The following PCDHGA2 variants were observed in gnomAD, a reference collection of about 807,000 sequenced individuals.
PCDHGA2 encodes protocadherin gamma-A2.
PCDHGA2 carries 40 observed loss-of-function variants against 59.2 expected under a neutral mutation model. The observed-to-expected ratio is 0.68, with a 90% CI of 0.52 to 0.88. PCDHGA2 has a LOEUF of 0.88. PCDHGA2 is among the 40% of genes least tolerant of loss of function. PCDHGA2 has a pLI of 0.00. For missense variants in PCDHGA2, 1,226 were observed against 1,204.0 expected, an observed-to-expected ratio of 1.02 and a Z score of -0.27; for synonymous variants, 560 against 526.0, an observed-to-expected ratio of 1.06 and a Z score of -0.89.
chr5:141,418,247 G>T, intron 1 of PCDHGA2: 1 of 1,614,032 alleles, frequency 6.2e-7, no homozygotes, highest in Non-Finnish European at 8.5e-7. Context: ...TAATGACCAC[G>T]CCCCTCAATT....
chr5:141,463,532 T>C (rs1237301892), intron 1 of PCDHGA2, among the ~76,000 whole-genome samples: 2 of 133,692 alleles, frequency 1.5e-5, no homozygotes, highest in Non-Finnish European at 3.1e-5. Flanking sequence ...TACTAGAAAC[T>C]CCGGCTCCCG....
At chr5:141,363,387 G>A (rs1302149411) in intron 1 of PCDHGA2, among the ~76,000 whole-genome samples, 2 of 151,916 alleles carry the variant, frequency 1.3e-5, no homozygotes, top group African/African-American at 4.8e-5. Flanking sequence ...TTCTATTTCT[G>A]TTGTCATATA....
In PCDHGA2 at chr5:141,453,631, T is replaced by C. The variant is rs114710858; in HGVS notation, c.2425-41176T>C. On this transcript the variant is annotated intron_variant, in intron 1 of 3. Transcript: ENST00000394576. ...AACGCAAAAACAAAACCTATACATATTTATATTTTCTTATGTCCTCTTCTT... is the reference window on the plus strand; with the variant it reads ...AACGCAAAAACAAAACCTATACATACTTATATTTTCTTATGTCCTCTTCTT... Among the ~76,000 whole-genome samples the C allele has an allele frequency of 8.2e-3, 1,249 of 152,332 alleles. 7 individuals are homozygous for C. Among genetic ancestry groups the C allele is most frequent in the Non-Finnish European group, 0.013 (893 of 68,030 alleles).
At chr5:141,492,952 C>T (rs1428667098) in intron 1 of PCDHGA2, among the ~76,000 whole-genome samples, 1 of 152,242 alleles carries the variant, frequency 6.6e-6, no homozygotes, top group Non-Finnish European at 1.5e-5. Context: ...GGTGACCAAA[C>T]TATCTGACAC....
At chr5:141,371,866 T>A (rs1768128471) in intron 1 of PCDHGA2, 1 of 1,613,504 alleles carries the variant, frequency 6.2e-7, no homozygotes, top group Non-Finnish European at 8.5e-7. Flanking sequence ...TCCTACTACA[T>A]CGTGGCCAGT....
intron 1 of PCDHGA2, chr5:141,398,155 C>G (rs1238092530): frequency 1.3e-5 from 19 of 1,492,684 alleles, no homozygotes; most frequent in Non-Finnish European, 1.7e-5. Flanking sequence ...GGAGCTGGGC[C>G]GGGCTGAGAG....
At chr5:141,364,496 C>A in intron 1 of PCDHGA2, 3 of 1,613,998 alleles carry the variant, frequency 1.9e-6, no homozygotes, top group South Asian at 2.2e-5. Flanking sequence ...TGGGCTGGAG[C>A]CCCAGGAGCT....
Position 141,405,419 on chromosome 5 carries a change from TTTG to T in PCDHGA2, c.2424+64027_2424+64029del, listed in dbSNP as rs372094745. On this transcript the variant is annotated intron_variant, in intron 1 of 3. Transcript: ENST00000394576. ...CTTTCTTTCTTTTCTTTTTTTGTTT[TTTG>T]TTTTGTTTTGTTTTTGAGACAGAGT... The T allele has an allele frequency of 6.8e-4, 1,019 of 1,509,010 alleles. 10 individuals are homozygous for T. In the African/African-American group the frequency reaches 0.012, roughly 18 times the overall value. The allele number at this position is 1,509,010 out of a possible 1,614,324, so 93.5% of individuals were successfully genotyped here.
chr5:141,487,822 G>C lies in PCDHGA2; in HGVS notation c.2425-6985G>C. On this transcript the variant is annotated intron_variant, in intron 1 of 3. Coordinates refer to ENST00000394576, the MANE Select transcript of PCDHGA2 (RefSeq NM_018915.4). The surrounding 1 kb of genome is among the most constrained non-coding windows in gnomAD (Gnocchi z 5.0). ...TGTCACAGTTTAGCATTGGGGGCGGGTCATGCCTATATCTGAGTAAGAAAT... is the reference window on the plus strand; with the variant it reads ...TGTCACAGTTTAGCATTGGGGGCGGCTCATGCCTATATCTGAGTAAGAAAT... 1 of 1,278,758 alleles carries C rather than the reference G, an allele frequency of 7.8e-7. No individual in the cohort carries two copies. The highest frequency in any genetic ancestry group is 1.4e-5 in the South Asian group (1 of 69,172). The allele number at this position is 1,278,758 out of a possible 1,614,324, so 79.2% of individuals were successfully genotyped here. A position where few individuals can be genotyped will look rare whatever the true frequency, so the allele number is the denominator to read the frequency against.
At chr5:141,386,430 G>A (rs1257944903) in intron 1 of PCDHGA2, among the ~76,000 whole-genome samples, 2 of 152,116 alleles carry the variant, frequency 1.3e-5, no homozygotes, top group African/African-American at 4.8e-5. Flanking sequence ...TAGCCCACCT[G>A]CATGGGAGGC....
chr5:141,397,407 G>C (rs1383716790), intron 1 of PCDHGA2, among the ~76,000 whole-genome samples: 1 of 152,108 alleles, frequency 6.6e-6, no homozygotes. Context: ...TTACAAAATA[G>C]TTTTAAATAG....
At chr5:141,383,914 G>C (rs1167823249) in intron 1 of PCDHGA2, 9 of 1,613,960 alleles carry the variant, frequency 5.6e-6, no homozygotes, top group Non-Finnish European at 6.8e-6. Flanking sequence ...CACAGTTTTA[G>C]ATGTAAATGA....
Position 141,477,568 on chromosome 5 carries a change from C to T in PCDHGA2, c.2425-17239C>T, listed in dbSNP as rs2099413139. The T allele has an allele frequency of 6.2e-7, 1 of 1,614,172 alleles. No individual in the cohort carries two copies. The highest frequency in any genetic ancestry group is 1.7e-4 in the Middle Eastern group (1 of 6,060). On this transcript the variant is annotated intron_variant, in intron 1 of 3. Transcript: ENST00000394576. This position sits in a 1 kb window ranked among gnomAD's most constrained non-coding sequence, Gnocchi z 4.9. ...TACTAAACCTAAGTGTCTGGGACCC[C>T]GACGCCCCGCAGAATGCTCGGCTTT...
intron 1 of PCDHGA2, chr5:141,478,359 G>A: frequency 6.2e-7 from 1 of 1,613,734 alleles, no homozygotes; most frequent in Non-Finnish European, 8.5e-7. Flanking sequence ...GACGCCGTGC[G>A]GGGAGGCCTG....
At chr5:141,345,417 C>G (rs1306894195) in intron 1 of PCDHGA2, 1 of 1,614,100 alleles carries the variant, frequency 6.2e-7, no homozygotes, top group South Asian at 1.1e-5. Flanking sequence ...CGCCTACATT[C>G]CAGAAAACAA....
intron 1 of PCDHGA2, chr5:141,365,949 C>A: frequency 6.2e-7 from 1 of 1,614,242 alleles, no homozygotes; most frequent in Non-Finnish European, 8.5e-7. Context: ...AGTGGGAACC[C>A]TCCACTTAGC....
At chr5:141,502,030 C>T (rs1031787021) in intron 2 of PCDHGA2, among the ~76,000 whole-genome samples, 4 of 152,180 alleles carry the variant, frequency 2.6e-5, no homozygotes, top group Non-Finnish European at 4.4e-5. Flanking sequence ...CAACCCCCGC[C>T]GCTTGCCTGC....
chr5:141,502,062 A>G (rs530211521), intron 2 of PCDHGA2, among the ~76,000 whole-genome samples: 2 of 152,146 alleles, frequency 1.3e-5, no homozygotes, highest in South Asian at 4.2e-4. Flanking sequence ...TATTCCCATT[A>G]GCCCCCTTCA....
chr5:141,509,499 T>C (rs895353804), intron 3 of PCDHGA2, among the ~76,000 whole-genome samples: 1 of 152,128 alleles, frequency 6.6e-6, no homozygotes, highest in Non-Finnish European at 1.5e-5. Flanking sequence ...GCATGCTGGA[T>C]GTGACGGTGT....
Sources: gnomAD v4.1 joint callset for allele counts (sites outside exome capture counted in the v4.1 genomes callset) on GRCh38, gnomAD v4.1.1 for gene constraint, Gnocchi (gnomAD v3.1) non-coding constraint, MANE v1.5 for transcripts, NCBI Gene and HGNC (gene_info 2026-07-23, HGNC 2026-07-21) for gene names.